Variants in SEC63 observed in about 807,000 individuals in gnomAD.
SEC63 encodes the protein translocation protein SEC63 homolog.
SEC63 carries 56 observed loss-of-function variants against 116.2 expected under a neutral mutation model. The observed-to-expected ratio is 0.48, with a 90% CI of 0.39 to 0.60. The LOEUF is 0.60. Among genes scored for constraint, SEC63 ranks in the 20% least tolerant of loss-of-function variants. The pLI is 0.00. For missense variants in SEC63, 668 were observed against 900.0 expected (o/e 0.74, Z 3.30); for synonymous variants, 273 against 294.6 (o/e 0.93, Z 0.75).
At chr6:107,937,025 T>C (rs1434213540) in intron 1 of SEC63, among the ~76,000 whole-genome samples, 1 of 152,216 alleles carries the variant, frequency 6.6e-6, no homozygotes, top group East Asian at 1.9e-4. Context: ...CTGCATTAAT[T>C]CACTTAGAAT....
At chr6:107,877,057 A>G in intron 18 of SEC63, 1 of 81,886 alleles carries the variant, frequency 1.2e-5, no homozygotes, top group South Asian at 1.1e-4. Flanking sequence ...GAAGGAACAT[A>G]TATATATGTG....
At chr6:107,891,257 T>C (rs995035292) in intron 16 of SEC63, among the ~76,000 whole-genome samples, 30 of 152,082 alleles carry the variant, frequency 2.0e-4, no homozygotes, top group African/African-American at 5.6e-4. Context: ...GCAGGCTTTG[T>C]TCGTTACTTT....
intron 4 of SEC63, among the ~76,000 whole-genome samples, chr6:107,913,899 A>G (rs904820457): frequency 1.3e-4 from 20 of 152,324 alleles, no homozygotes; most frequent in Admixed American, 1.2e-3. Flanking sequence ...CCACAAAACA[A>G]TAGCACCACA....
Position 107,958,017 on chromosome 6 carries a change from C to G in SEC63, c.-8G>C, listed in dbSNP as rs778126299. ...GAACTGCTGCCCGGCCATGGCACCC[C>G]CTCCTCCGCCTCGCTCTTCTCACCG... On this transcript the variant is annotated 5_prime_UTR_variant, in exon 1 of 21. Transcript: ENST00000369002. 3 of 1,613,032 alleles carry G rather than the reference C, an allele frequency of 1.9e-6. No homozygotes were observed. The South Asian group carries it at 3.3e-5, about 18-fold the overall frequency.
chr6:107,922,240 A>G (rs577710195), intron 3 of SEC63, among the ~76,000 whole-genome samples: 3 of 152,244 alleles, frequency 2.0e-5, no homozygotes, highest in Non-Finnish European at 4.4e-5. Context: ...TAGGCCAGGC[A>G]CAGCCTGTAA....
chr6:107,923,512 C>T (rs559291571), intron 3 of SEC63, among the ~76,000 whole-genome samples: 1 of 152,196 alleles, frequency 6.6e-6, no homozygotes, highest in South Asian at 2.1e-4. Context: ...ATGACAATGA[C>T]ATTAATGATA....
intron 2 of SEC63, 60 bp from the exon 3 acceptor site, chr6:107,924,992 A>T: frequency 2.0e-6 from 2 of 1,000,902 alleles, no homozygotes; most frequent in Non-Finnish European, 3.2e-6. Flanking sequence ...GTCTAAAGAC[A>T]TTATGGCAAG....
At position 107,871,843 on chromosome 6, in the gene SEC63, T is replaced by A. The variant is rs1786142001; in HGVS notation, c.2144A>T (p.Glu715Val). The A allele has an allele frequency of 5.0e-6, 8 of 1,613,588 alleles. No individual in the cohort carries two copies. The highest frequency in any genetic ancestry group is 6.8e-6 in the Non-Finnish European group (8 of 1,179,714). ...TGGCACAGGCTTAGCCTCATGAACT[T>A]CCAACTAGAAAGAAGAATTAAATGT... ...GLDQIKPLKL[E>V]VHEAKPVPEN... The change falls in exon 21 of 21, where the codon GAA (glutamate) becomes GTA (valine). Residue 715 changes from glutamate to valine, a missense_variant. Glu to Val is a moderately radical substitution (Grantham distance 121). Coordinates refer to ENST00000369002, the MANE Select transcript of SEC63 (RefSeq NM_007214.5).
intron 13 of SEC63, among the ~76,000 whole-genome samples, chr6:107,901,031 CTAA>C (rs989049199): frequency 1.3e-5 from 2 of 152,148 alleles, no homozygotes; most frequent in African/African-American, 4.8e-5. Context: ...TTCTTTCATA[CTAA>C]TAATATACTT....
chr6:107,914,704 G>T (rs1391578637), intron 4 of SEC63, among the ~76,000 whole-genome samples: 1 of 152,094 alleles, frequency 6.6e-6, no homozygotes, highest in East Asian at 1.9e-4. Flanking sequence ...TTTTGTCCTA[G>T]ATCCCCTGTA....
In SEC63 at chr6:107,958,202, G is replaced by T; in HGVS notation, c.-193C>A. The stretch of plus-strand genomic sequence containing the variant: ...GCTGCCGCCGCCGTCGCCAGCTCTC[G>T]CGAGAGGAGATAGTTCCCGCCCCGC... On this transcript the variant is annotated 5_prime_UTR_variant, in exon 1 of 21. Coordinates refer to ENST00000369002, the MANE Select transcript of SEC63 (RefSeq NM_007214.5). 1 of 775,926 alleles carries T rather than the reference G, an allele frequency of 1.3e-6. No individual in the cohort carries two copies. Among genetic ancestry groups the T allele is most frequent in the Non-Finnish European group, 2.1e-6 (1 of 479,106 alleles). The allele number at this position is 775,926 out of a possible 1,614,324, so 48.1% of individuals were successfully genotyped here.
chr6:107,906,070 G>C (rs1787141426), intron 10 of SEC63, among the ~76,000 whole-genome samples: 1 of 152,170 alleles, frequency 6.6e-6, no homozygotes. Flanking sequence ...AAGGTGATTG[G>C]ATCAGGGGGG....
chr6:107,939,483 G>T (rs1770326165), intron 1 of SEC63, among the ~76,000 whole-genome samples: 1 of 151,954 alleles, frequency 6.6e-6, no homozygotes, highest in African/African-American at 2.4e-5. Flanking sequence ...ATCAAAAAAA[G>T]GCTCATGCCT....
In SEC63 at chr6:107,870,500, T is replaced by C. The variant is rs1365765272; in HGVS notation, c.*1204A>G. On this transcript the variant is annotated 3_prime_UTR_variant, in exon 21 of 21. Coordinates refer to ENST00000369002, the MANE Select transcript of SEC63 (RefSeq NM_007214.5). ...TCAGTTTTATAATACTACAGACTTA[T>C]GTTTCCTCCATATCTAGGAATAAAA... 6.6e-6 allele frequency: 1 copy of C among 152,566 alleles called. No homozygotes were observed. Among genetic ancestry groups the C allele is most frequent in the Non-Finnish European group, 1.5e-5 (1 of 68,036 alleles). 9.5% of individuals were successfully genotyped at this position (152,566 alleles called of 1,614,324 possible).
Position 107,870,706 on chromosome 6 carries a change from G to T in SEC63, c.*998C>A, listed in dbSNP as rs112056572. The T allele has an allele frequency of 9.2e-5, 14 of 152,226 alleles. No homozygotes were observed. The highest frequency in any genetic ancestry group is 2.9e-4 in the African/African-American group (12 of 41,538). 9.4% of individuals were successfully genotyped at this position (152,226 alleles called of 1,614,324 possible). On this transcript the variant is annotated 3_prime_UTR_variant, in exon 21 of 21. Transcript: ENST00000369002. ...ATTCAATCTTTAGTTGAAAAATAAA[G>T]AAGTGGATTGCCCTATTTATGTCCT...
intron 12 of SEC63, among the ~76,000 whole-genome samples, chr6:107,901,813 A>G (rs555507797): frequency 2.6e-5 from 4 of 152,234 alleles, no homozygotes; most frequent in African/African-American, 4.8e-5. Context: ...AACTTTGTCA[A>G]TTGATGTCCT....
intron 1 of SEC63, among the ~76,000 whole-genome samples, chr6:107,945,959 C>T (rs1481379819): frequency 1.3e-5 from 2 of 151,948 alleles, no homozygotes; most frequent in South Asian, 2.1e-4. Flanking sequence ...TTTTTTGAGA[C>T]GGAGTCTTAC....
chr6:107,930,930 G>A (rs1435621281), intron 1 of SEC63, among the ~76,000 whole-genome samples: 1 of 152,148 alleles, frequency 6.6e-6, no homozygotes, highest in African/African-American at 2.4e-5. Flanking sequence ...AGGAGGCAGA[G>A]GTTGCAGTGA....
chr6:107,941,184 A>G lies in SEC63; in HGVS notation c.125-11670T>C, dbSNP rs556919127. 2.8e-4 allele frequency among the ~76,000 whole-genome samples: 42 copies of G among 152,320 alleles called. No homozygotes were observed. The South Asian group carries it at 5.4e-3, about 20-fold the overall frequency. On this transcript the variant is annotated intron_variant, in intron 1 of 20. Coordinates refer to ENST00000369002, the MANE Select transcript of SEC63 (RefSeq NM_007214.5). ...ATAAGTGCAGAGTGTGTCTTGCTCA[A>G]GATCGCAATGCTAGCCAGAGATTGT...
Sources: gnomAD v4.1 joint callset for allele counts (sites outside exome capture counted in the v4.1 genomes callset) on GRCh38, gnomAD v4.1.1 for gene constraint, MANE v1.5 for transcripts, NCBI Gene and HGNC (gene_info 2026-07-23, HGNC 2026-07-21) for gene names.